PGD: variants seen among roughly 807,000 people sequenced by gnomAD.
PGD encodes the protein phosphogluconate dehydrogenase.
In PGD, 21 loss-of-function variants were observed where a neutral mutation model predicts 60.4. The observed-to-expected ratio is 0.35, with a 90% confidence interval of 0.25 to 0.50. The LOEUF (loss-of-function observed/expected upper bound fraction) is 0.50, where lower values mean the gene tolerates loss of function less well. Among genes scored for constraint, PGD ranks in the 20% least tolerant of loss-of-function variants. The probability of loss-of-function intolerance (pLI) is 0.98; values close to 1 mark genes in which losing one functional copy is unlikely to be tolerated. For synonymous variants in PGD, 230 were observed against 235.9 expected, an observed-to-expected ratio of 0.97 and a Z score of 0.23; for missense variants, 477 against 613.1, an observed-to-expected ratio of 0.78 and a Z score of 2.34.
At chr1:10,401,545 T>C (rs538087212) in intron 3 of PGD, among the ~76,000 whole-genome samples, 1 of 152,120 alleles carries the variant, frequency 6.6e-6, no homozygotes, top group Non-Finnish European at 1.5e-5. Flanking sequence ...TTCAATCAAA[T>C]GACCTAGAAA....
chr1:10,409,343 A>C (rs867876952), intron 6 of PGD, among the ~76,000 whole-genome samples: 4 of 152,190 alleles, frequency 2.6e-5, no homozygotes, highest in Non-Finnish European at 4.4e-5. Context: ...CTCAGTCAGA[A>C]TCTGCTTAGG....
At chr1:10,407,965 A>G (rs2102390848) in intron 5 of PGD, 106 bp from the exon 6 acceptor site, 8 of 721,352 alleles carry the variant, frequency 1.1e-5, no homozygotes, top group South Asian at 3.1e-5. Flanking sequence ...AAAAAAAAAG[A>G]AAGGAAAAGA....
rs1639673819 is a variant in PGD at position 10,420,380 on chromosome 1, T to G, written c.*631T>G. On this transcript the variant is annotated 3_prime_UTR_variant, in exon 13 of 13. Transcript: ENST00000270776. ...ATGGACGTTCACTGTAACGTGCTTT[T>G]TCTTTCGTCTTTTTTTTTTTTTTTT... 7.0e-6 allele frequency among the ~76,000 whole-genome samples: 1 copy of G among 143,616 alleles called. No homozygotes were observed. The highest frequency in any genetic ancestry group is 2.2e-4 in the South Asian group (1 of 4,566). The allele number at this position is 143,616 out of a possible 152,430, so 94.2% of individuals were successfully genotyped here. A position where few individuals can be genotyped will look rare whatever the true frequency, so the allele number is the denominator to read the frequency against.
intron 8 of PGD, among the ~76,000 whole-genome samples, chr1:10,414,875 G>A (rs1206505040): frequency 6.6e-6 from 1 of 151,516 alleles, no homozygotes; most frequent in African/African-American, 2.4e-5. Flanking sequence ...GGCGGATCAC[G>A]AGGTCAGGAG....
chr1:10,412,553 G>A lies in PGD; in HGVS notation c.655-509G>A, dbSNP rs373300532. Among the ~76,000 whole-genome samples the A allele has an allele frequency of 2.6e-5, 4 of 151,956 alleles. No homozygotes were observed. The East Asian group carries it at 7.7e-4, about 29-fold the overall frequency. ...TTCTTTTTGTGTTCATTTTTTATTG[G>A]TATATATAATACTTAACGTGTTCAC... On this transcript the variant is annotated intron_variant, in intron 7 of 12. Coordinates refer to ENST00000270776, the MANE Select transcript of PGD (RefSeq NM_002631.4).
At chr1:10,399,584 C>G in intron 1 of PGD, 45 bp from the exon 2 acceptor site, 1 of 1,552,680 alleles carries the variant, frequency 6.4e-7, no homozygotes, top group Non-Finnish European at 8.9e-7. Flanking sequence ...TGCAGCGCGT[C>G]GAGCGGTGCT....
intron 6 of PGD, 31 bp downstream of exon 6, chr1:10,408,171 T>G (rs1639439731): frequency 7.9e-7 from 1 of 1,259,874 alleles, no homozygotes; most frequent in Non-Finnish European, 1.2e-6. Flanking sequence ...TAAAGCCAAT[T>G]GGCAACATGG....
chr1:10,399,573 T>A, intron 1 of PGD, 56 bp from the exon 2 acceptor site: 1 of 1,482,564 alleles, frequency 6.7e-7, no homozygotes, highest in Non-Finnish European at 9.4e-7. Context: ...GACCCCTGGG[T>A]TGCAGCGCGT....
intron 5 of PGD, among the ~76,000 whole-genome samples, chr1:10,405,336 A>C (rs189325037): frequency 1.3e-5 from 2 of 151,722 alleles, no homozygotes; most frequent in Non-Finnish European, 1.5e-5. Context: ...GCGCCACTGC[A>C]CTTCACCCTG....
chr1:10,406,394 A>G (rs973348309), intron 5 of PGD, among the ~76,000 whole-genome samples: 4 of 152,148 alleles, frequency 2.6e-5, no homozygotes, highest in Non-Finnish European at 4.4e-5. Context: ...TTAAGAAAAA[A>G]AAAAAAGGTT....
At chr1:10,414,670 C>A (rs759376905) in intron 8 of PGD, among the ~76,000 whole-genome samples, 8 of 151,918 alleles carry the variant, frequency 5.3e-5, no homozygotes, top group Non-Finnish European at 1.0e-4. Context: ...AGCCACCATG[C>A]CCAGCAAAGG....
At chr1:10,406,969 C>T (rs180707252) in intron 5 of PGD, among the ~76,000 whole-genome samples, 64 of 152,348 alleles carry the variant, frequency 4.2e-4, no homozygotes, top group Non-Finnish European at 6.0e-4. Flanking sequence ...TCTAAAGGAA[C>T]TTTCGTATTG....
chr1:10,403,590 GAAA>G (rs71583866), intron 4 of PGD, among the ~76,000 whole-genome samples: 3 of 67,144 alleles, frequency 4.5e-5, no homozygotes, highest in African/African-American at 5.9e-5. Flanking sequence ...AACTCCATCT[GAAA>G]AAAAAAAAAA....
intron 8 of PGD, among the ~76,000 whole-genome samples, chr1:10,416,321 T>A (rs1263348032): frequency 6.6e-6 from 1 of 152,256 alleles, no homozygotes; most frequent in Non-Finnish European, 1.5e-5. Context: ...CATGTTAATC[T>A]TTGTGATTGA....
At position 10,399,089 on chromosome 1, in the gene PGD, C is replaced by G. The variant is rs377679338; in HGVS notation, c.-29C>G. 43 of 1,609,136 alleles carry G rather than the reference C, an allele frequency of 2.7e-5. No individual in the cohort carries two copies. The highest frequency in any genetic ancestry group is 3.5e-5 in the Non-Finnish European group (41 of 1,179,502). On this transcript the variant is annotated 5_prime_UTR_variant, in exon 1 of 13. Transcript: ENST00000270776. ...CCCTCACTCGTCCTCCGCGCGTCGC[C>G]GCTCTTCGGTTCTGCTCTGTCCGCC...
At chr1:10,411,067 C>CT (rs1237161204) in intron 6 of PGD, among the ~76,000 whole-genome samples, 1 of 150,874 alleles carries the variant, frequency 6.6e-6, no homozygotes, top group Non-Finnish European at 1.5e-5. Flanking sequence ...AAAAAGAGGA[C>CT]TTTTTTTCTT....
At chr1:10,401,241 C>A (rs1639310375) in intron 3 of PGD, among the ~76,000 whole-genome samples, 1 of 151,968 alleles carries the variant, frequency 6.6e-6, no homozygotes, top group South Asian at 2.1e-4. Context: ...TTAGGGAATC[C>A]TAGGGAACTG....
At chr1:10,408,259 G>T in intron 6 of PGD, 119 bp downstream of exon 6, 1 of 703,808 alleles carries the variant, frequency 1.4e-6, no homozygotes, top group Non-Finnish European at 2.6e-6. Flanking sequence ...TAAACGTCTC[G>T]ATCTTTGATT....
At chr1:10,406,471 G>A (rs572206808) in intron 5 of PGD, among the ~76,000 whole-genome samples, 11 of 152,170 alleles carry the variant, frequency 7.2e-5, no homozygotes, top group South Asian at 2.1e-4. Context: ...GACAATGCAC[G>A]TAAAAGTATT....
Sources: gnomAD v4.1 joint callset for allele counts (sites outside exome capture counted in the v4.1 genomes callset) on GRCh38, gnomAD v4.1.1 for gene constraint, MANE v1.5 for transcripts, NCBI Gene and HGNC (gene_info 2026-07-23, HGNC 2026-07-21) for gene names.